PLEKHA6: variants seen among roughly 807,000 people sequenced by gnomAD.
The protein encoded by PLEKHA6 is pleckstrin homology domain containing A6.
A neutral mutation model predicts 116.7 loss-of-function variants in PLEKHA6; 60 were observed. The observed-to-expected ratio is 0.51, with a 90% confidence interval of 0.42 to 0.64. The LOEUF (loss-of-function observed/expected upper bound fraction) is 0.64. Among genes scored for constraint, PLEKHA6 ranks in the 30% least tolerant of loss-of-function variants. The probability of loss-of-function intolerance (pLI) is 0.00; values close to 1 mark genes in which losing one functional copy is unlikely to be tolerated. For missense variants in PLEKHA6, 1,338 were observed against 1,422.7 expected, an observed-to-expected ratio of 0.94 and a Z score of 0.96; for synonymous variants, 489 against 556.1, an observed-to-expected ratio of 0.88 and a Z score of 1.70.
chr1:204,247,437 C>T lies in PLEKHA6; in HGVS notation c.1848G>A (p.Glu616=), dbSNP rs779234241. The T allele has an allele frequency of 3.1e-6, 5 of 1,612,820 alleles. No individual in the cohort carries two copies. In the Admixed American group the frequency reaches 6.7e-5, roughly 21 times the overall value. ...AGACCTCAGACTCGAGGTGCTCATACTCTATGGTGCTGTTTGTCAGGGCCT... is the reference window on the plus strand; with the variant it reads ...AGACCTCAGACTCGAGGTGCTCATATTCTATGGTGCTGTTTGTCAGGGCCT... ...ATTALTNSTI[E]YEHLESEVSA... is the part of the protein sequence containing the mutation. Residue 616 remains glutamate (E), a synonymous_variant, in exon 13 of 23, where the codon GAG becomes GAA. Coordinates refer to ENST00000272203, the MANE Select transcript of PLEKHA6 (RefSeq NM_014935.5).
Position 204,355,123 on chromosome 1 carries a change from G to C in PLEKHA6, c.-95+4571C>G, listed in dbSNP as rs371833511. Among the ~76,000 whole-genome samples the C allele has an allele frequency of 7.2e-5, 11 of 152,362 alleles. No individual in the cohort carries two copies. The East Asian group carries it at 7.7e-4, about 11-fold the overall frequency. ...TGGAGGAACAGGGGCACTTAGTCTT[G>C]AACAAGGAGACTTGGGAGGGCTTGG... On this transcript the variant is annotated intron_variant, in intron 1 of 22. Coordinates refer to ENST00000272203, the MANE Select transcript of PLEKHA6 (RefSeq NM_014935.5).
chr1:204,304,258 T>C (rs971346695), intron 1 of PLEKHA6, among the ~76,000 whole-genome samples: 8 of 152,204 alleles, frequency 5.3e-5, no homozygotes, highest in African/African-American at 1.4e-4. Flanking sequence ...TCCCTGCTAT[T>C]CAGGACAAAG....
At position 204,244,963 on chromosome 1, in the gene PLEKHA6, C is replaced by T. The variant is rs375324843; in HGVS notation, c.2073G>A (p.Pro691=). 23 of 1,466,154 alleles carry T rather than the reference C, an allele frequency of 1.6e-5. No homozygotes were observed. Among genetic ancestry groups the T allele is most frequent in the South Asian group, 9.7e-5 (7 of 72,284 alleles). 90.8% of individuals were successfully genotyped at this position (1,466,154 alleles called of 1,614,324 possible). Reference sequence around the variant, plus strand: ...GGCTGGCAGAGCTGAGGGGGCTGGCCGGGCTGTTGGAGCTGTAGGTGGCTG... The same window carrying T: ...GGCTGGCAGAGCTGAGGGGGCTGGCTGGGCTGTTGGAGCTGTAGGTGGCTG... ...GPSATYSSNS[P]ASPLSSASLT... The change falls in exon 15 of 23, where the codon CCG becomes CCA. Residue 691 remains proline (P), a synonymous_variant. Transcript: ENST00000272203.
intron 13 of PLEKHA6, among the ~76,000 whole-genome samples, chr1:204,246,403 C>T (rs983867383): frequency 4.6e-5 from 7 of 152,258 alleles, no homozygotes; most frequent in African/African-American, 1.2e-4. Flanking sequence ...CCGAAGTTAG[C>T]GCCCTTGACC....
intron 1 of PLEKHA6, among the ~76,000 whole-genome samples, chr1:204,338,222 G>A (rs1296961199): frequency 6.6e-6 from 1 of 152,184 alleles, no homozygotes; most frequent in Non-Finnish European, 1.5e-5. Flanking sequence ...CTATAAAATA[G>A]GAATGCTGCT....
At chr1:204,372,790 G>C (rs1184572389) in intron 1 of PLEKHA6, among the ~76,000 whole-genome samples, 2 of 150,896 alleles carry the variant, frequency 1.3e-5, no homozygotes, top group Admixed American at 6.6e-5. Flanking sequence ...CCTCTCCCCA[G>C]CAACTGATTT....
At chr1:204,306,834 T>A (rs1284516124) in intron 1 of PLEKHA6, among the ~76,000 whole-genome samples, 1 of 151,950 alleles carries the variant, frequency 6.6e-6, no homozygotes, top group Non-Finnish European at 1.5e-5. Flanking sequence ...TCCCCCACCA[T>A]CTAAAATTAA....
chr1:204,267,421 G>T, intron 5 of PLEKHA6, 54 bp downstream of exon 5: 1 of 1,472,496 alleles, frequency 6.8e-7, no homozygotes, highest in South Asian at 1.1e-5. Context: ...GAATGAGAAA[G>T]AGTAGTGGGT....
At chr1:204,359,567 G>A in intron 1 of PLEKHA6, 127 bp downstream of exon 1, 1 of 977,850 alleles carries the variant, frequency 1.0e-6, no homozygotes, top group Non-Finnish European at 1.2e-6. Context: ...GATGAGAGAT[G>A]GGGAAGCCAG....
intron 9 of PLEKHA6, among the ~76,000 whole-genome samples, chr1:204,252,627 TC>T (rs1419101495): frequency 6.6e-6 from 1 of 152,020 alleles, no homozygotes; most frequent in Non-Finnish European, 1.5e-5. Flanking sequence ...GTTCAGAGGG[TC>T]CCCTGTGATT....
chr1:204,321,924 C>T (rs1163294394), intron 1 of PLEKHA6, among the ~76,000 whole-genome samples: 1 of 152,242 alleles, frequency 6.6e-6, no homozygotes. Context: ...GGCCCAGGAG[C>T]TGCCCCTGGG....
intron 9 of PLEKHA6, among the ~76,000 whole-genome samples, chr1:204,253,055 T>C (rs1196899401): frequency 6.6e-6 from 1 of 152,228 alleles, no homozygotes; most frequent in Non-Finnish European, 1.5e-5. Flanking sequence ...CTTCAAAATG[T>C]TAGATTTTGT....
intron 1 of PLEKHA6, among the ~76,000 whole-genome samples, chr1:204,316,861 T>G (rs1003112139): frequency 6.6e-6 from 1 of 152,208 alleles, no homozygotes; most frequent in Non-Finnish European, 1.5e-5. Flanking sequence ...CCTACTGGTA[T>G]TTTACCAGGC....
At chr1:204,231,413 TC>T (rs1178922332) in intron 17 of PLEKHA6, among the ~76,000 whole-genome samples, 1 of 152,158 alleles carries the variant, frequency 6.6e-6, no homozygotes, top group African/African-American at 2.4e-5. Flanking sequence ...TCATGAATGC[TC>T]AAATCCCTGC....
At chr1:204,236,479 G>A (rs568528021) in intron 17 of PLEKHA6, among the ~76,000 whole-genome samples, 1 of 152,294 alleles carries the variant, frequency 6.6e-6, no homozygotes, top group South Asian at 2.1e-4. Context: ...TTGCATCTTT[G>A]AAGAGCCCTG....
chr1:204,304,178 G>T (rs1467155980), intron 1 of PLEKHA6, among the ~76,000 whole-genome samples: 2 of 152,098 alleles, frequency 1.3e-5, no homozygotes, highest in Admixed American at 1.3e-4. Context: ...GATAGAAGAC[G>T]ACCTCCCTCA....
chr1:204,283,817 T>C lies in PLEKHA6; in HGVS notation c.-94-9008A>G, dbSNP rs752571724. Among the ~76,000 whole-genome samples, 141 of 152,208 alleles carry C rather than the reference T, an allele frequency of 9.3e-4. 1 individual carries two copies. The highest frequency in any genetic ancestry group is 1.8e-3 in the Non-Finnish European group (120 of 68,032). Reference sequence around the variant, plus strand: ...TGGGCTGGGGGCTACCCACAAACTTTAGTCTGACAACAGCTGCCTGGATGT... The same window carrying C: ...TGGGCTGGGGGCTACCCACAAACTTCAGTCTGACAACAGCTGCCTGGATGT... On this transcript the variant is annotated intron_variant, in intron 1 of 22. Transcript: ENST00000272203.
chr1:204,332,134 C>T (rs1159250932), intron 1 of PLEKHA6, among the ~76,000 whole-genome samples: 1 of 152,186 alleles, frequency 6.6e-6, no homozygotes, highest in Non-Finnish European at 1.5e-5. Flanking sequence ...GGAGCCTGCC[C>T]TAGCTCACCC....
chr1:204,352,603 G>A lies in PLEKHA6; in HGVS notation c.-95+7091C>T, dbSNP rs547644030. Among the ~76,000 whole-genome samples the A allele has an allele frequency of 2.3e-3, 345 of 152,202 alleles. 1 individual carries two copies. The highest frequency in any genetic ancestry group is 3.5e-3 in the Non-Finnish European group (241 of 68,016). ...GGAGAGTCTATCCTTTTCTTTTTTG[G>A]CCACCAACATATGTAGCATATGTCT... On this transcript the variant is annotated intron_variant, in intron 1 of 22. Transcript: ENST00000272203.
Sources: gnomAD v4.1 joint callset for allele counts (sites outside exome capture counted in the v4.1 genomes callset) on GRCh38, gnomAD v4.1.1 for gene constraint, MANE v1.5 for transcripts, NCBI Gene and HGNC (gene_info 2026-07-23, HGNC 2026-07-21) for gene names.